Variants in PITPNM2 observed in about 807,000 individuals in gnomAD.
The protein encoded by PITPNM2 is membrane-associated phosphatidylinositol transfer protein 2.
Under a neutral mutation model 132.2 loss-of-function variants are expected in PITPNM2, and 35 were observed. The observed-to-expected ratio is 0.26, with a 90% CI of 0.20 to 0.35. PITPNM2 has a LOEUF of 0.35. Ranked by LOEUF, PITPNM2 falls within the 10% of genes least tolerant of loss-of-function variation. The probability of loss-of-function intolerance (pLI) is 1.00; values close to 1 mark genes in which losing one functional copy is unlikely to be tolerated. For synonymous variants in PITPNM2, 738 were observed against 799.2 expected (o/e 0.92, Z 1.29); for missense variants, 1,332 against 1,912.0 (o/e 0.70, Z 5.66).
intron 3 of PITPNM2, among the ~76,000 whole-genome samples, chr12:123,029,827 CTGTGTGTGTG>C (rs57222285): frequency 1.5e-5 from 2 of 135,488 alleles, no homozygotes; most frequent in African/African-American, 3.3e-5. Flanking sequence ...ACATATGTGT[CTGTGTGTGTG>C]TGTGTGTGTG....
chr12:123,006,348 T>C (rs908079954), intron 6 of PITPNM2, among the ~76,000 whole-genome samples: 1 of 152,052 alleles, frequency 6.6e-6, no homozygotes, highest in Non-Finnish European at 1.5e-5. Flanking sequence ...AAGAATATAT[T>C]ATACATATAA....
chr12:123,147,907 A>T (rs775133060), intron 1 of PITPNM2, among the ~76,000 whole-genome samples: 1 of 152,220 alleles, frequency 6.6e-6, no homozygotes. Context: ...CATAGTATAC[A>T]AACAAAACGT....
intron 2 of PITPNM2, among the ~76,000 whole-genome samples, chr12:123,048,573 C>T (rs1456697862): frequency 2.0e-5 from 3 of 151,970 alleles, no homozygotes; most frequent in South Asian, 2.1e-4. Flanking sequence ...CCACCGCGCC[C>T]GGCTAATTTT....
chr12:123,072,587 C>T (rs1485371832), intron 2 of PITPNM2, among the ~76,000 whole-genome samples: 1 of 152,318 alleles, frequency 6.6e-6, no homozygotes, highest in South Asian at 2.1e-4. Flanking sequence ...TTGGCTTTGT[C>T]AGGGAGACAG....
intron 18 of PITPNM2, 128 bp downstream of exon 18, chr12:122,989,659 A>C (rs983536536): frequency 1.9e-5 from 18 of 935,318 alleles, no homozygotes; most frequent in Non-Finnish European, 2.4e-5. Context: ...TAGATGGCCA[A>C]GTCCTCCCAG....
chr12:123,008,382 C>T lies in PITPNM2; in HGVS notation c.643+1468G>A, dbSNP rs1426973659. Among the ~76,000 whole-genome samples, 2 of 152,162 alleles carry T rather than the reference C, an allele frequency of 1.3e-5. No individual in the cohort carries two copies. The highest frequency in any genetic ancestry group is 2.1e-4 in the South Asian group (1 of 4,830). On this transcript the variant is annotated intron_variant, in intron 6 of 25. Coordinates refer to ENST00000320201, the MANE Select transcript of PITPNM2 (RefSeq NM_020845.3). This position sits in a 1 kb window ranked among gnomAD's most constrained non-coding sequence, Gnocchi z 4.1. Reference sequence around the variant, plus strand: ...AGGAGAGGGTGGGACGAGTCACCAGCGCTGATGTGTTCAGGTTCCTGGAGG... The same window carrying T: ...AGGAGAGGGTGGGACGAGTCACCAGTGCTGATGTGTTCAGGTTCCTGGAGG...
At chr12:123,042,395 C>T (rs372770271) in intron 2 of PITPNM2, among the ~76,000 whole-genome samples, 1 of 152,110 alleles carries the variant, frequency 6.6e-6, no homozygotes, top group Non-Finnish European at 1.5e-5. Flanking sequence ...AGGGGAAGCA[C>T]GAGAATTGTG....
rs1226891414 is a variant in PITPNM2 at position 123,111,948 on chromosome 12, C to T, written c.-199-1460G>A. ...AGCTGTTGAGAGGGTTGAGGGTTTGCCATGGTAACGCACCCATCAATGGCG... is the reference window on the plus strand; with the variant it reads ...AGCTGTTGAGAGGGTTGAGGGTTTGTCATGGTAACGCACCCATCAATGGCG... On this transcript the variant is annotated intron_variant, in intron 1 of 25. Coordinates refer to ENST00000320201, the MANE Select transcript of PITPNM2 (RefSeq NM_020845.3). The surrounding 1 kb of genome is among the most constrained non-coding windows in gnomAD (Gnocchi z 4.1). Among the ~76,000 whole-genome samples the T allele has an allele frequency of 6.6e-6, 1 of 152,106 alleles. No individual in the cohort carries two copies. The highest frequency in any genetic ancestry group is 6.6e-5 in the Admixed American group (1 of 15,260).
intron 3 of PITPNM2, among the ~76,000 whole-genome samples, chr12:123,025,016 G>T (rs1426152243): frequency 6.6e-6 from 1 of 152,204 alleles, no homozygotes; most frequent in Non-Finnish European, 1.5e-5. Context: ...CTGGCACTGT[G>T]AGAGAGACAT....
rs995728215 is a variant in PITPNM2 at position 123,095,515 on chromosome 12, C to A, written c.-96+14870G>T. ...TGCCACCAGCCTGCCCCCTCCTCCCCCCGCCTCCGACCTGTCACCCAGATG... is the reference window on the plus strand; with the variant it reads ...TGCCACCAGCCTGCCCCCTCCTCCCACCGCCTCCGACCTGTCACCCAGATG... On this transcript the variant is annotated intron_variant, in intron 2 of 25. Transcript: ENST00000320201. This position sits in a 1 kb window ranked among gnomAD's most constrained non-coding sequence, Gnocchi z 5.0. Among the ~76,000 whole-genome samples the A allele has an allele frequency of 6.6e-6, 1 of 152,202 alleles. No individual in the cohort carries two copies. The highest frequency in any genetic ancestry group is 1.5e-5 in the Non-Finnish European group (1 of 68,026).
In PITPNM2 at chr12:123,004,165, T is replaced by C. The variant is rs573626311; in HGVS notation, c.1048+229A>G. Among the ~76,000 whole-genome samples, 78 of 152,272 alleles carry C rather than the reference T, an allele frequency of 5.1e-4. No homozygotes were observed. The highest frequency in any genetic ancestry group is 1.8e-3 in the African/African-American group (73 of 41,550). ...GCCAGGCCCACAGCACATCCTGATA[T>C]CGGGTTCTGAGACCCCAGACTCAAG... is the stretch of plus-strand genomic sequence containing the variant. On this transcript the variant is annotated intron_variant, in intron 8 of 25. Coordinates refer to ENST00000320201, the MANE Select transcript of PITPNM2 (RefSeq NM_020845.3). The surrounding 1 kb of genome is among the most constrained non-coding windows in gnomAD (Gnocchi z 4.9).
At chr12:123,048,701 C>T (rs961527997) in intron 2 of PITPNM2, among the ~76,000 whole-genome samples, 13 of 152,132 alleles carry the variant, frequency 8.5e-5, no homozygotes, top group South Asian at 2.1e-4. Flanking sequence ...CGTGAGCCAC[C>T]GCGCCCGGCT....
intron 3 of PITPNM2, among the ~76,000 whole-genome samples, chr12:123,021,029 CAAAAAAAAAAAAAAAA>C (rs910751492): frequency 7.9e-5 from 2 of 25,268 alleles, no homozygotes; most frequent in Non-Finnish European, 1.9e-4. Flanking sequence ...AATTCCATCT[CAAAAAAAAAAAAAAAA>C]AAAAAAAAAA....
At chr12:123,044,115 C>A (rs1218029056) in intron 2 of PITPNM2, among the ~76,000 whole-genome samples, 1 of 152,158 alleles carries the variant, frequency 6.6e-6, no homozygotes, top group East Asian at 1.9e-4. Context: ...CCACGGGAGG[C>A]TTAGATGTGA....
At chr12:123,054,104 AT>A (rs1442134165) in intron 2 of PITPNM2, among the ~76,000 whole-genome samples, 1 of 152,016 alleles carries the variant, frequency 6.6e-6, no homozygotes, top group Non-Finnish European at 1.5e-5. Context: ...TTATTTATTT[AT>A]AATTTTTTAT....
At chr12:123,047,182 C>G (rs781406997) in intron 2 of PITPNM2, among the ~76,000 whole-genome samples, 1 of 152,214 alleles carries the variant, frequency 6.6e-6, no homozygotes, top group African/African-American at 2.4e-5. Context: ...GCACCTGACT[C>G]TGGATACAAC....
At chr12:122,990,004 G>A (rs2038116868) in intron 17 of PITPNM2, 56 bp from the exon 18 acceptor site, 3 of 1,255,688 alleles carry the variant, frequency 2.4e-6, no homozygotes. Context: ...GCACTGCCAC[G>A]TCTACCAGGG....
At chr12:123,094,617 C>A (rs2042357291) in intron 2 of PITPNM2, among the ~76,000 whole-genome samples, 1 of 152,208 alleles carries the variant, frequency 6.6e-6, no homozygotes, top group African/African-American at 2.4e-5. Flanking sequence ...TGGAGAAACT[C>A]TTCTCCTCCC....
rs750417378 is a variant in PITPNM2 at position 123,012,863 on chromosome 12, C to T, written c.294-129G>A. 77 of 1,240,484 alleles carry T rather than the reference C, an allele frequency of 6.2e-5. No homozygotes were observed. The Admixed American group carries it at 6.9e-4, about 11-fold the overall frequency. The allele number at this position is 1,240,484 out of a possible 1,614,324, so 76.8% of individuals were successfully genotyped here. On this transcript the variant is annotated intron_variant, in intron 4 of 25. Coordinates refer to ENST00000320201, the MANE Select transcript of PITPNM2 (RefSeq NM_020845.3). ...GCATGGAAGGAGGGTGGAGGGTAGC[C>T]GAGACTTGCCTGCCCTGTCCACCTC...
Sources: gnomAD v4.1 joint callset for allele counts (sites outside exome capture counted in the v4.1 genomes callset) on GRCh38, gnomAD v4.1.1 for gene constraint, Gnocchi (gnomAD v3.1) non-coding constraint, MANE v1.5 for transcripts, NCBI Gene and HGNC (gene_info 2026-07-23, HGNC 2026-07-21) for gene names.